CSNK2A1: variants seen among roughly 807,000 people sequenced by gnomAD.
CSNK2A1 encodes casein kinase 2 alpha 1.
In CSNK2A1, 10 loss-of-function variants were observed where a neutral mutation model predicts 62.9. The ratio of observed to expected loss-of-function variants is 0.16; its 90% CI spans 0.10 to 0.27. The LOEUF is 0.27. Among genes scored for constraint, CSNK2A1 ranks in the 10% least tolerant of loss-of-function variants. The pLI is 1.00. For synonymous variants in CSNK2A1, 124 were observed against 167.8 expected (o/e 0.74, Z 2.02); for missense variants, 160 against 492.0 (o/e 0.33, Z 6.38).
chr20:504,820 T>A (rs776546381), intron 4 of CSNK2A1: 7 of 324,594 alleles, frequency 2.2e-5, no homozygotes, highest in African/African-American at 4.2e-5. Context: ...CCTCATTATA[T>A]AATGAAAAGT....
At chr20:524,654 T>C (rs55897393) in intron 2 of CSNK2A1, among the ~76,000 whole-genome samples, 10,531 of 133,400 alleles carry the variant, frequency 0.079, 386 homozygotes, top group Middle Eastern at 0.1. Flanking sequence ...CGCTTGAACC[T>C]AGGAGGTGGA....
At chr20:511,992 CT>C (rs1447510137) in intron 2 of CSNK2A1, among the ~76,000 whole-genome samples, 1 of 152,200 alleles carries the variant, frequency 6.6e-6, no homozygotes, top group Non-Finnish European at 1.5e-5. Context: ...TCATTTTACA[CT>C]CCCAGGAACA....
intron 11 of CSNK2A1, 59 bp from the exon 12 acceptor site, chr20:487,634 T>A: frequency 6.2e-7 from 1 of 1,609,354 alleles, no homozygotes; most frequent in South Asian, 1.1e-5. Context: ...GCCCAACATT[T>A]CATTCCTACA....
chr20:533,333 T>C (rs1190721133), intron 1 of CSNK2A1, among the ~76,000 whole-genome samples: 3 of 152,258 alleles, frequency 2.0e-5, no homozygotes, highest in Non-Finnish European at 4.4e-5. Context: ...TTACTGCTTG[T>C]GTAAACTTGC....
At chr20:505,291 G>A in intron 3 of CSNK2A1, 62 bp from the exon 4 acceptor site, 2 of 1,210,782 alleles carry the variant, frequency 1.7e-6, no homozygotes, top group African/African-American at 1.5e-5. Flanking sequence ...TCAAATTACA[G>A]GAATCTATTA....
chr20:503,581 T>C lies in CSNK2A1; in HGVS notation c.213+1537A>G, dbSNP rs111379686. On this transcript the variant is annotated intron_variant, in intron 4 of 13. Coordinates refer to ENST00000217244, the MANE Select transcript of CSNK2A1 (RefSeq NM_177559.3). ...TGCACTGCCAGCTTGAGGTGGTTCG[T>C]AGTTTCAACATTAGATTGTGTTACA... is the stretch of plus-strand genomic sequence containing the variant. The C allele has an allele frequency of 9.3e-5, 37 of 398,634 alleles. No homozygotes were observed. The highest frequency in any genetic ancestry group is 4.9e-4 in the African/African-American group (24 of 48,758). The allele number at this position is 398,634 out of a possible 1,614,324, so 24.7% of individuals were successfully genotyped here. A position where few individuals can be genotyped will look rare whatever the true frequency, so the allele number is the denominator to read the frequency against.
intron 1 of CSNK2A1, among the ~76,000 whole-genome samples, chr20:541,299 T>C (rs2019443921): frequency 1.3e-5 from 2 of 152,166 alleles, no homozygotes; most frequent in Admixed American, 1.3e-4. Context: ...CCTTTTGCCA[T>C]GTAACACAGG....
intron 2 of CSNK2A1, among the ~76,000 whole-genome samples, chr20:521,101 C>T (rs990084936): frequency 7.9e-5 from 12 of 152,242 alleles, no homozygotes; most frequent in East Asian, 1.9e-4. Flanking sequence ...ACTTCATCAA[C>T]GTTAAAATAT....
chr20:535,481 C>T (rs1025877303), intron 1 of CSNK2A1, among the ~76,000 whole-genome samples: 13 of 151,644 alleles, frequency 8.6e-5, no homozygotes, highest in Non-Finnish European at 1.8e-4. Flanking sequence ...ACTGGCCGGG[C>T]GCGGTGGCTC....
intron 3 of CSNK2A1, 29 bp downstream of exon 3, chr20:508,422 A>T: frequency 6.2e-7 from 1 of 1,610,490 alleles, no homozygotes; most frequent in Non-Finnish European, 8.5e-7. Flanking sequence ...CCTTTGAGTG[A>T]GTATAATGAA....
At chr20:519,499 T>C (rs768445430) in intron 2 of CSNK2A1, among the ~76,000 whole-genome samples, 4 of 152,214 alleles carry the variant, frequency 2.6e-5, no homozygotes, top group Non-Finnish European at 2.9e-5. Flanking sequence ...AGATTGCTTG[T>C]GCCCAGGAGT....
rs2017940057 is a variant in CSNK2A1, at chr20:480,642, C to A, written c.*3319G>T. 6.6e-6 allele frequency: 1 copy of A among 152,134 alleles called. No homozygotes were observed. The highest frequency in any genetic ancestry group is 2.4e-5 in the African/African-American group (1 of 41,430). The allele number at this position is 152,134 out of a possible 1,614,324, so 9.4% of individuals were successfully genotyped here. On this transcript the variant is annotated 3_prime_UTR_variant, in exon 14 of 14. Transcript: ENST00000217244. ...GAGGAAGGAACTGAGCATGACCTTA[C>A]CACACAGCCTTTTTAGTTAAGTGTT...
chr20:510,896 T>A (rs2018705874), intron 2 of CSNK2A1, among the ~76,000 whole-genome samples: 1 of 151,664 alleles, frequency 6.6e-6, no homozygotes, highest in African/African-American at 2.4e-5. Flanking sequence ...AAATAAATTT[T>A]TTTTTTGTAA....
At position 499,213 on chromosome 20, in the gene CSNK2A1, C is replaced by A; in HGVS notation, c.366+42G>T. ...GCATCATCCCCAAAGGCTATGTGGT[C>A]TAAAAACCCACTAGCCCGAAACAGT... On this transcript the variant is annotated intron_variant, in intron 6 of 13. Transcript: ENST00000217244. This position sits in a 1 kb window ranked among gnomAD's most constrained non-coding sequence, Gnocchi z 4.2. 6.5e-7 allele frequency: 1 copy of A among 1,528,910 alleles called. No homozygotes were observed. Among genetic ancestry groups the A allele is most frequent in the South Asian group, 1.3e-5 (1 of 77,970 alleles). The allele number at this position is 1,528,910 out of a possible 1,614,324, so 94.7% of individuals were successfully genotyped here. A position where few individuals can be genotyped will look rare whatever the true frequency, so the allele number is the denominator to read the frequency against.
chr20:494,530 TGA>T (rs1474866481), intron 8 of CSNK2A1: 1 of 152,244 alleles, frequency 6.6e-6, no homozygotes, highest in Non-Finnish European at 1.5e-5. Flanking sequence ...CAGCAATGTA[TGA>T]GAGATCAAGT....
chr20:528,558 G>T (rs577154202), intron 1 of CSNK2A1, among the ~76,000 whole-genome samples: 1 of 151,880 alleles, frequency 6.6e-6, no homozygotes, highest in Non-Finnish European at 1.5e-5. Flanking sequence ...TGGGACCATA[G>T]GCATACACTA....
At position 497,604 on chromosome 20, in the gene CSNK2A1, G is replaced by C. The variant is rs898805334; in HGVS notation, c.426+117C>G. ...TTAACTTATTAAAAACTTATATAGA[G>C]GTCCCTTCTTTCAACATACTTTACA... is the stretch of plus-strand genomic sequence containing the variant. On this transcript the variant is annotated intron_variant, in intron 7 of 13. Coordinates refer to ENST00000217244, the MANE Select transcript of CSNK2A1 (RefSeq NM_177559.3). 20 of 802,730 alleles carry C rather than the reference G, an allele frequency of 2.5e-5. No individual in the cohort carries two copies. In the Admixed American group the frequency reaches 3.6e-4, roughly 14 times the overall value. 49.7% of individuals were successfully genotyped at this position (802,730 alleles called of 1,614,324 possible). A position where few individuals can be genotyped will look rare whatever the true frequency, so the allele number is the denominator to read the frequency against.
chr20:488,923 T>C (rs2018158198), intron 10 of CSNK2A1, 145 bp from the exon 11 acceptor site: 3 of 675,800 alleles, frequency 4.4e-6, no homozygotes, highest in Non-Finnish European at 7.0e-6. Flanking sequence ...TTCAACTCAA[T>C]GTGATAGTGT....
intron 1 of CSNK2A1, among the ~76,000 whole-genome samples, chr20:531,136 A>G (rs554942470): frequency 1.8e-4 from 27 of 152,322 alleles, no homozygotes; most frequent in African/African-American, 6.5e-4. Context: ...AATTTTTCAC[A>G]ATTAATATTT....
Sources: allele counts gnomAD v4.1 joint callset (sites outside exome capture counted in the v4.1 genomes callset), GRCh38; gene constraint gnomAD v4.1.1; non-coding constraint Gnocchi (gnomAD v3.1); transcripts MANE v1.5; gene names NCBI Gene and HGNC (gene_info 2026-07-23, HGNC 2026-07-21).